KIF18B: variants seen among roughly 807,000 people sequenced by gnomAD.
The protein encoded by KIF18B is kinesin family member 18B, also known as kinesin-like protein KIF18B.
A neutral mutation model predicts 80.9 loss-of-function variants in KIF18B; 49 were observed. The ratio of observed to expected loss-of-function variants is 0.61; its 90% CI spans 0.48 to 0.77. The LOEUF is 0.77. KIF18B is among the 30% of genes least tolerant of loss of function. The pLI, the probability that KIF18B is intolerant of heterozygous loss-of-function variation, is 0.00. For missense variants in KIF18B, 994 were observed against 1,127.7 expected, an observed-to-expected ratio of 0.88 and a Z score of 1.70; for synonymous variants, 439 against 463.9, an observed-to-expected ratio of 0.95 and a Z score of 0.69.
Position 44,932,184 on chromosome 17 carries a change from G to C in KIF18B, c.1261C>G (p.Pro421Ala). ...PEHQPCTPEL[P>A]AGPRALQEES... ...TCTTGAAGGGCTCTAGGCCCTGCAGGGAGCTCTGGGGTGCAGGGCTGGCTG... is the reference window on the plus strand; with the variant it reads ...TCTTGAAGGGCTCTAGGCCCTGCAGCGAGCTCTGGGGTGCAGGGCTGGCTG... The change falls in exon 10 of 16, where the codon CCT becomes GCT. Residue 421 changes from proline to alanine, a missense_variant. By Grantham distance (27) the Pro-to-Ala change is conservative. Coordinates refer to ENST00000593135, the MANE Select transcript of KIF18B (RefSeq NM_001265577.2). 1 of 1,609,052 alleles carries C rather than the reference G, an allele frequency of 6.2e-7. No individual in the cohort carries two copies. Among genetic ancestry groups the C allele is most frequent in the Non-Finnish European group, 8.5e-7 (1 of 1,177,002 alleles).
intron 1 of KIF18B, among the ~76,000 whole-genome samples, chr17:44,943,541 G>A (rs1183302324): frequency 6.6e-6 from 1 of 151,980 alleles, no homozygotes; most frequent in African/African-American, 2.4e-5. Flanking sequence ...TTGAATAAAA[G>A]CAGTAATAGT....
intron 1 of KIF18B, among the ~76,000 whole-genome samples, chr17:44,936,625 T>TATA (rs1491447262): frequency 1.3e-4 from 2 of 15,662 alleles, no homozygotes; most frequent in African/African-American, 3.3e-4. Context: ...TATATATATA[T>TATA]TTTTTTTTTT....
At chr17:44,938,400 C>T (rs1597892281) in intron 1 of KIF18B, among the ~76,000 whole-genome samples, 1 of 152,136 alleles carries the variant, frequency 6.6e-6, no homozygotes, top group East Asian at 1.9e-4. Context: ...TCAAACCAAC[C>T]ATGCATTCCT....
intron 1 of KIF18B, among the ~76,000 whole-genome samples, chr17:44,941,340 C>CTTTTTTTTTTTTTT (rs36121835): frequency 7.4e-6 from 1 of 134,720 alleles, no homozygotes; most frequent in African/African-American, 2.8e-5. Context: ...TTTTCTTTTT[C>CTTTTTTTTTTTTTT]TTTTTTTTTT....
At chr17:44,935,037 C>T in intron 3 of KIF18B, 102 bp from the exon 4 acceptor site, 4 of 952,972 alleles carry the variant, frequency 4.2e-6, no homozygotes, top group African/African-American at 1.7e-5. Flanking sequence ...GTATCTGAGA[C>T]ACCCACAGAA....
At position 44,935,420 on chromosome 17, in the gene KIF18B, C is replaced by A; in HGVS notation, c.314-4G>T. ...CCGGTGGCCCCGTAGGCAAACACTG[C>A]AGAGGACATAGTAAGGAGGAGGACC... On this transcript the variant is annotated splice_polypyrimidine_tract_variant and splice_region_variant and intron_variant, in intron 2 of 15. Coordinates refer to ENST00000593135, the MANE Select transcript of KIF18B (RefSeq NM_001265577.2). The A allele has an allele frequency of 6.2e-7, 1 of 1,601,968 alleles. No individual in the cohort carries two copies. Among genetic ancestry groups the A allele is most frequent in the Non-Finnish European group, 8.5e-7 (1 of 1,173,310 alleles).
rs781348504 is a variant in KIF18B, at chr17:44,939,366, C to CAAAAAAAAAAAAAAAAAAAAAAA, written c.-14-3031_-14-3009dup. 8.1e-5 allele frequency among the ~76,000 whole-genome samples: 3 copies of CAAAAAAAAAAAAAAAAAAAAAAA among 36,942 alleles called. 1 individual carries two copies. The highest frequency in any genetic ancestry group is 3.1e-4 in the African/African-American group (3 of 9,538). The allele number at this position is 36,942 out of a possible 152,430, so 24.2% of individuals were successfully genotyped here. A position where few individuals can be genotyped will look rare whatever the true frequency, so the allele number is the denominator to read the frequency against. Reference sequence around the variant, plus strand: ...AGCCTGGGTGACAGAGACTCCATCTCAAAAAAAAAAAAAAAAAAAAAAAAA... The same window carrying CAAAAAAAAAAAAAAAAAAAAAAA: ...AGCCTGGGTGACAGAGACTCCATCTCAAAAAAAAAAAAAAAAAAAAAAAAAAAAAAAAAAAAAAAAAAAAAAAA... On this transcript the variant is annotated intron_variant, in intron 1 of 15. Transcript: ENST00000593135.
chr17:44,945,799 C>T (rs1028149913), intron 1 of KIF18B, among the ~76,000 whole-genome samples: 87 of 150,330 alleles, frequency 5.8e-4, no homozygotes, highest in African/African-American at 1.9e-3. Flanking sequence ...CCAGCTACTC[C>T]GGAGGCTGAG....
At position 44,926,153 on chromosome 17, in the gene KIF18B, C is replaced by T. The variant is rs752125912; in HGVS notation, c.2486G>A (p.Arg829Gln). The T allele has an allele frequency of 6.8e-5, 109 of 1,613,750 alleles. No individual in the cohort carries two copies. The highest frequency in any genetic ancestry group is 1.6e-4 in the Middle Eastern group (1 of 6,084). Residue 829 changes from arginine to glutamine, a missense_variant, in exon 16 of 16, where the codon CGG (arginine) becomes CAG (glutamine). Coordinates refer to ENST00000593135, the MANE Select transcript of KIF18B (RefSeq NM_001265577.2). ...LPLSPLCPSN[R>Q]RNGKDLIRVG... ...CCTGATGAGGTCCTTTCCATTCCTC[C>T]GGTTGCTAGGGCACAGGGGACTCAA...
At chr17:44,936,624 A>ATTTTT (rs72105429) in intron 1 of KIF18B, among the ~76,000 whole-genome samples, 1 of 27,906 alleles carries the variant, frequency 3.6e-5, no homozygotes, top group African/African-American at 1.4e-4. Context: ...ATATATATAT[A>ATTTTT]TTTTTTTTTT....
At position 44,934,613 on chromosome 17, in the gene KIF18B, G is replaced by T; in HGVS notation, c.581C>A (p.Ala194Asp). The T allele has an allele frequency of 6.2e-7, 1 of 1,602,854 alleles. No individual in the cohort carries two copies. The highest frequency in any genetic ancestry group is 8.5e-7 in the Non-Finnish European group (1 of 1,174,300). The change falls in exon 5 of 16, where the codon GCC becomes GAC. Residue 194 changes from alanine (A) to aspartate (D), a missense_variant. Transcript: ENST00000593135. The surrounding 1 kb of genome is among the most constrained non-coding windows in gnomAD (Gnocchi z 5.4). ...VVQGLSFHQP[A>D]SAEQLLEILT... The stretch of plus-strand genomic sequence containing the variant: ...TATCTCCAGCAGCTGCTCGGCTGAG[G>T]CTGGCTACAGAGGAGAAGCCCAGGA...
Position 44,928,415 on chromosome 17 carries a change from C to G in KIF18B, c.1887G>C (p.Arg629Ser). 6.5e-7 allele frequency: 1 copy of G among 1,548,298 alleles called. No individual in the cohort carries two copies. The highest frequency in any genetic ancestry group is 8.7e-7 in the Non-Finnish European group (1 of 1,151,038). Residue 629 changes from arginine to serine, a missense_variant, in exon 13 of 16, where the codon AGG becomes AGC. Coordinates refer to ENST00000593135, the MANE Select transcript of KIF18B (RefSeq NM_001265577.2). ...CTGCCTCCAAGGCGCTTGGTCTCCT[C>G]CTCTTCTTCTCCATGGGCCATCGGG... is the stretch of plus-strand genomic sequence containing the variant. ...QGSRWPMEKKRRRPSALEADS... is the reference protein window; with the variant it reads ...QGSRWPMEKKSRRPSALEADS...
chr17:44,931,495 G>A, intron 11 of KIF18B, 107 bp downstream of exon 11: 2 of 1,448,166 alleles, frequency 1.4e-6, no homozygotes, highest in Non-Finnish European at 1.9e-6. Context: ...CAGTGCTGAT[G>A]AAGAGACAGG....
At position 44,926,163 on chromosome 17, in the gene KIF18B, G is replaced by A; in HGVS notation, c.2476C>T (p.Pro826Ser). ...TCCTTTCCATTCCTCCGGTTGCTAGGGCACAGGGGACTCAAGGGCAGCTCT... is the reference window on the plus strand; with the variant it reads ...TCCTTTCCATTCCTCCGGTTGCTAGAGCACAGGGGACTCAAGGGCAGCTCT... ...LPELPLSPLC[P>S]SNRRNGKDLI... Residue 826 changes from proline (P) to serine (S), a missense_variant, in exon 16 of 16, where the codon CCT becomes TCT. Pro to Ser is a moderately conservative substitution (Grantham distance 74). Coordinates refer to ENST00000593135, the MANE Select transcript of KIF18B (RefSeq NM_001265577.2). 1 of 1,613,904 alleles carries A rather than the reference G, an allele frequency of 6.2e-7. No homozygotes were observed. The highest frequency in any genetic ancestry group is 8.5e-7 in the Non-Finnish European group (1 of 1,179,870).
chr17:44,947,364 C>CT (rs1420417010), intron 1 of KIF18B, among the ~76,000 whole-genome samples: 2 of 152,148 alleles, frequency 1.3e-5, no homozygotes, highest in Non-Finnish European at 2.9e-5. Flanking sequence ...CAGGCCCAGT[C>CT]TAGGTCCAGC....
At position 44,931,679 on chromosome 17, in the gene KIF18B, G is replaced by A. The variant is rs1338789619; in HGVS notation, c.1440C>T (p.Ser480=). Residue 480 remains serine, a synonymous_variant, in exon 11 of 16, where the codon TCC becomes TCT. Transcript: ENST00000593135. ...GCTTGGGCTGCAGGGTCAGGCGAGGGGACTCTGGCAGTGCATGTGTGGGGT... is the reference window on the plus strand; with the variant it reads ...GCTTGGGCTGCAGGGTCAGGCGAGGAGACTCTGGCAGTGCATGTGTGGGGT... ...EQNPTHALPE[S]PRLTLQPKPV... is the part of the protein sequence containing the mutation. 1.2e-6 allele frequency: 2 copies of A among 1,613,858 alleles called. No homozygotes were observed. The highest frequency in any genetic ancestry group is 1.7e-6 in the Non-Finnish European group (2 of 1,179,900).
At chr17:44,945,717 C>G (rs1401233151) in intron 1 of KIF18B, among the ~76,000 whole-genome samples, 4 of 151,818 alleles carry the variant, frequency 2.6e-5, no homozygotes, top group Non-Finnish European at 5.9e-5. Flanking sequence ...CCAGCCTGGC[C>G]AACACGGTGA....
rs202199021 is a variant in KIF18B, at chr17:44,932,962, C to T, written c.1087G>A (p.Asp363Asn). The T allele has an allele frequency of 3.6e-5, 58 of 1,605,650 alleles. No individual in the cohort carries two copies. Among genetic ancestry groups the T allele is most frequent in the South Asian group, 5.5e-5 (5 of 90,862 alleles). Residue 363 changes from aspartate (D) to asparagine (N), a missense_variant, in exon 8 of 16, where the codon GAC (aspartate) becomes AAC (asparagine). Asp to Asn is a conservative substitution (Grantham distance 23). Coordinates refer to ENST00000593135, the MANE Select transcript of KIF18B (RefSeq NM_001265577.2). ...GTAGCATACTGGCTGATGTGACAGT[C>T]CAGGCTGGTCACATTGCTCTTCAGC... ...LSLKSNVTSL[D>N]CHISQYATIC... is the part of the protein sequence containing the mutation.
At chr17:44,928,733 T>C (rs935827825) in intron 12 of KIF18B, 86 bp downstream of exon 12, 1 of 1,447,580 alleles carries the variant, frequency 6.9e-7, no homozygotes, top group Admixed American at 2.2e-5. Context: ...ACCCAGCAAC[T>C]GAGGCCCCTG....
Sources: gnomAD v4.1 joint callset for allele counts (sites outside exome capture counted in the v4.1 genomes callset) on GRCh38, gnomAD v4.1.1 for gene constraint, Gnocchi (gnomAD v3.1) non-coding constraint, MANE v1.5 for transcripts, NCBI Gene and HGNC (gene_info 2026-07-23, HGNC 2026-07-21) for gene names.